Variants in USP45 observed in about 807,000 individuals in gnomAD.
The protein encoded by USP45 is ubiquitin carboxyl-terminal hydrolase 45.
In USP45, 89 loss-of-function variants were observed where a neutral mutation model predicts 95.8. The ratio of observed to expected loss-of-function variants is 0.93; its 90% CI spans 0.78 to 1.11. USP45 has a LOEUF of 1.11. USP45 is among the 50% of genes least tolerant of loss of function. The pLI is 0.00. For missense variants in USP45, 898 were observed against 942.5 expected, an observed-to-expected ratio of 0.95 and a Z score of 0.62; for synonymous variants, 281 against 316.2, an observed-to-expected ratio of 0.89 and a Z score of 1.18.
intron 13 of USP45, among the ~76,000 whole-genome samples, chr6:99,448,986 AC>A (rs1783193947): frequency 6.6e-6 from 1 of 152,202 alleles, no homozygotes; most frequent in African/African-American, 2.4e-5. Context: ...AGATTGTGTC[AC>A]CACCAGACCT....
At chr6:99,496,200 T>A (rs1009272059) in intron 5 of USP45, among the ~76,000 whole-genome samples, 1 of 152,108 alleles carries the variant, frequency 6.6e-6, no homozygotes, top group African/African-American at 2.4e-5. Flanking sequence ...TCTATGCTCG[T>A]CCTGAAGAAC....
chr6:99,457,070 A>G (rs1179300963), intron 13 of USP45, among the ~76,000 whole-genome samples: 2 of 152,150 alleles, frequency 1.3e-5, no homozygotes, highest in African/African-American at 2.4e-5. Context: ...AGGAAGGGAA[A>G]ATACCCACCT....
rs1780184964 is a variant in USP45, at chr6:99,434,688, C to G, written c.*1028G>C. 6.6e-6 allele frequency: 1 copy of G among 152,060 alleles called. No homozygotes were observed. Among genetic ancestry groups the G allele is most frequent in the Non-Finnish European group, 1.5e-5 (1 of 67,998 alleles). 9.4% of individuals were successfully genotyped at this position (152,060 alleles called of 1,614,324 possible). A position where few individuals can be genotyped will look rare whatever the true frequency, so the allele number is the denominator to read the frequency against. The stretch of plus-strand genomic sequence containing the variant: ...TGAAGACAAAGTGATTTCAAAACCC[C>G]AAAACTGTGTTTAGTATTTACAAGA... On this transcript the variant is annotated 3_prime_UTR_variant, in exon 18 of 18. Coordinates refer to ENST00000500704, the MANE Select transcript of USP45 (RefSeq NM_001346022.3).
intron 13 of USP45, among the ~76,000 whole-genome samples, chr6:99,455,785 C>A (rs1219083610): frequency 8.9e-6 from 1 of 111,778 alleles, no homozygotes; most frequent in African/African-American, 3.5e-5. Context: ...CACAGAAAGG[C>A]AAATATCCCA....
chr6:99,439,668 A>T, intron 16 of USP45, 101 bp downstream of exon 16: 1 of 789,524 alleles, frequency 1.3e-6, no homozygotes, highest in Non-Finnish European at 1.8e-6. Context: ...TCCCTTTCAG[A>T]AGAGAAGTTA....
At chr6:99,478,931 A>G (rs1791577687) in intron 8 of USP45, among the ~76,000 whole-genome samples, 1 of 152,068 alleles carries the variant, frequency 6.6e-6, no homozygotes, top group African/African-American at 2.4e-5. Context: ...AAGTGAAGGA[A>G]GTCAGATAAA....
At chr6:99,511,512 G>C (rs1799788338) in intron 1 of USP45, among the ~76,000 whole-genome samples, 1 of 151,836 alleles carries the variant, frequency 6.6e-6, no homozygotes, top group South Asian at 2.1e-4. Context: ...GCAGTGGCCT[G>C]ATTTCAGCTC....
chr6:99,455,940 C>A (rs1784965427), intron 13 of USP45, among the ~76,000 whole-genome samples: 1 of 150,508 alleles, frequency 6.6e-6, no homozygotes, highest in Non-Finnish European at 1.5e-5. Context: ...GGAGACCATC[C>A]TGGCTAACAA....
chr6:99,476,064 C>T (rs1048744337), intron 9 of USP45, 79 bp downstream of exon 9: 13 of 1,330,136 alleles, frequency 9.8e-6, no homozygotes, highest in African/African-American at 5.9e-5. Context: ...TGATCCACCC[C>T]GCCTTGGCCC....
chr6:99,510,725 T>C (rs551358257), intron 1 of USP45, among the ~76,000 whole-genome samples: 315 of 152,244 alleles, frequency 2.1e-3, no homozygotes, highest in Non-Finnish European at 3.3e-3. Flanking sequence ...GCTCCCAGTA[T>C]TGTGAGAAAT....
intron 5 of USP45, among the ~76,000 whole-genome samples, chr6:99,489,489 T>C (rs1329560436): frequency 6.6e-6 from 1 of 152,198 alleles, no homozygotes; most frequent in East Asian, 1.9e-4. Flanking sequence ...GTGGCAATTT[T>C]TGTATTATTC....
rs1452105474 is a variant in USP45, at chr6:99,449,233, TAA to T, written c.1309-2772_1309-2771del. The stretch of plus-strand genomic sequence containing the variant: ...AAAAGATACAGACTGAAAAACTGCA[TAA>T]AGAGTCAAGACCCATCAGTGTGCTG... On this transcript the variant is annotated intron_variant, in intron 13 of 17. Transcript: ENST00000500704. 3.9e-5 allele frequency among the ~76,000 whole-genome samples: 6 copies of T among 152,222 alleles called. No homozygotes were observed. The South Asian group carries it at 1.2e-3, about 32-fold the overall frequency.
In USP45 at chr6:99,510,118, T is replaced by C; in HGVS notation, c.100+3A>G. On this transcript the variant is annotated splice_donor_region_variant and intron_variant, in intron 2 of 17. Coordinates refer to ENST00000500704, the MANE Select transcript of USP45 (RefSeq NM_001346022.3). ...ATTTGGGATGCCATATATCACAATT[T>C]ACCAGCAATATCATCTGAAGAGTCT... is the stretch of plus-strand genomic sequence containing the variant. 1 of 1,604,028 alleles carries C rather than the reference T, an allele frequency of 6.2e-7. No homozygotes were observed. The highest frequency in any genetic ancestry group is 8.5e-7 in the Non-Finnish European group (1 of 1,171,466).
intron 3 of USP45, 152 bp from the exon 4 acceptor site, chr6:99,507,683 T>A: frequency 3.4e-6 from 2 of 591,876 alleles, no homozygotes; most frequent in South Asian, 4.5e-5. Flanking sequence ...TGGATTCTCA[T>A]TAAATTTAAT....
In USP45 at chr6:99,453,168, AAAAAG is replaced by A. The variant is rs201901070; in HGVS notation, c.1309-6710_1309-6706del. Among the ~76,000 whole-genome samples the A allele has an allele frequency of 4.1e-4, 19 of 46,878 alleles. No homozygotes were observed. In the South Asian group the frequency reaches 7.6e-3, roughly 19 times the overall value. The allele number at this position is 46,878 out of a possible 152,430, so 30.8% of individuals were successfully genotyped here. On this transcript the variant is annotated intron_variant, in intron 13 of 17. Coordinates refer to ENST00000500704, the MANE Select transcript of USP45 (RefSeq NM_001346022.3). ...TTGTGCACATGTACCCTAGAACTTA[AAAAAG>A]AAAAAAAAAAAAACATAAAAGGCAT...
chr6:99,466,901 T>C lies in USP45; in HGVS notation c.1016-138A>G, dbSNP rs569363210. On this transcript the variant is annotated intron_variant, in intron 10 of 17. Coordinates refer to ENST00000500704, the MANE Select transcript of USP45 (RefSeq NM_001346022.3). ...ATTTAATAATACATTTTACTATACA[T>C]ACAACATTCTAAAGTCTTTCTCCTT... 397 of 615,936 alleles carry C rather than the reference T, an allele frequency of 6.4e-4. 2 individuals are homozygous for C. The highest frequency in any genetic ancestry group is 5.0e-4 in the Non-Finnish European group (178 of 359,114). The allele number at this position is 615,936 out of a possible 1,614,324, so 38.2% of individuals were successfully genotyped here. A position where few individuals can be genotyped will look rare whatever the true frequency, so the allele number is the denominator to read the frequency against.
At chr6:99,473,211 C>T (rs941539814) in intron 9 of USP45, among the ~76,000 whole-genome samples, 3 of 151,956 alleles carry the variant, frequency 2.0e-5, no homozygotes, top group African/African-American at 4.8e-5. Context: ...AAAAAAGTTG[C>T]GTTTAAGGTT....
chr6:99,492,544 A>G (rs1795410741), intron 5 of USP45, among the ~76,000 whole-genome samples: 1 of 151,458 alleles, frequency 6.6e-6, no homozygotes, highest in South Asian at 2.1e-4. Context: ...CCCAGGCTGG[A>G]GTGCAGTGGT....
intron 8 of USP45, among the ~76,000 whole-genome samples, chr6:99,481,025 G>C (rs1019881465): frequency 1.3e-5 from 2 of 152,142 alleles, no homozygotes; most frequent in Non-Finnish European, 2.9e-5. Context: ...AGGCATGCTT[G>C]AGCCCAGGAA....
Sources: allele counts gnomAD v4.1 joint callset (sites outside exome capture counted in the v4.1 genomes callset), GRCh38; gene constraint gnomAD v4.1.1; transcripts MANE v1.5; gene names NCBI Gene and HGNC (gene_info 2026-07-23, HGNC 2026-07-21).